The following ZNF234 variants were observed in gnomAD, a reference collection of about 807,000 sequenced individuals.
The protein encoded by ZNF234 is C2-H2 type zinc finger protein.
In ZNF234, 4 loss-of-function variants were observed where a neutral mutation model predicts 10.3. The ratio of observed to expected loss-of-function variants is 0.39; its 90% CI spans 0.19 to 0.89. The LOEUF (loss-of-function observed/expected upper bound fraction) is 0.89, where lower values mean the gene tolerates loss of function less well. Among genes scored for constraint, ZNF234 ranks in the 40% least tolerant of loss-of-function variants. The pLI is 0.38. For missense variants in ZNF234, 711 were observed against 836.1 expected, an observed-to-expected ratio of 0.85 and a Z score of 1.85; for synonymous variants, 258 against 280.1, an observed-to-expected ratio of 0.92 and a Z score of 0.79.
At position 44,157,327 on chromosome 19, in the gene ZNF234, C is replaced by T. The variant is rs1441523297; in HGVS notation, c.1311C>T (p.Phe437=). Reference sequence around the variant, plus strand: ...AATGTGAAGTATGTGGTAAAGCCTTCCGTCAGAGTTCATATCTTAAAATCC... The same window carrying T: ...AATGTGAAGTATGTGGTAAAGCCTTTCGTCAGAGTTCATATCTTAAAATCC... ...PYKCEVCGKA[F]RQSSYLKIHL... Residue 437 remains phenylalanine (F), a synonymous_variant, in exon 6 of 6, where the codon TTC becomes TTT. Coordinates refer to ENST00000426739, the MANE Select transcript of ZNF234 (RefSeq NM_006630.3). The T allele has an allele frequency of 3.7e-6, 6 of 1,613,932 alleles. No individual in the cohort carries two copies. The highest frequency in any genetic ancestry group is 5.1e-6 in the Non-Finnish European group (6 of 1,179,880).
intron 3 of ZNF234, 83 bp downstream of exon 3, chr19:44,144,730 C>A: frequency 7.6e-7 from 1 of 1,324,328 alleles, no homozygotes; most frequent in Non-Finnish European, 1.0e-6. Context: ...GAACAACGGG[C>A]ATTTGAGAAC....
Position 44,150,521 on chromosome 19 carries a change from C to G in ZNF234, c.235+16C>G, listed in dbSNP as rs769656399. 4 of 1,553,624 alleles carry G rather than the reference C, an allele frequency of 2.6e-6. No homozygotes were observed. The African/African-American group carries it at 5.5e-5, about 21-fold the overall frequency. On this transcript the variant is annotated intron_variant, in intron 5 of 5. Coordinates refer to ENST00000426739, the MANE Select transcript of ZNF234 (RefSeq NM_006630.3). Reference sequence around the variant, plus strand: ...GGGAAATCAGGTAAGAACCAAGCAGCTAAGAGTCCTTGTACGTGATTGTCC... The same window carrying G: ...GGGAAATCAGGTAAGAACCAAGCAGGTAAGAGTCCTTGTACGTGATTGTCC...
At chr19:44,152,757 T>C (rs929758382) in intron 5 of ZNF234, among the ~76,000 whole-genome samples, 4 of 152,162 alleles carry the variant, frequency 2.6e-5, no homozygotes, top group African/African-American at 9.7e-5. Context: ...ACTGCTTTCC[T>C]TTCAGCACAC....
intron 5 of ZNF234, among the ~76,000 whole-genome samples, chr19:44,153,100 C>T (rs1360899585): frequency 6.8e-6 from 1 of 147,726 alleles, no homozygotes. Context: ...ATCATAGAGA[C>T]TTGTCCTCCT....
rs1235320863 is a variant in ZNF234, at chr19:44,143,545, CTTGCAGTGAGCCGAGATTGCGCCA to C, written c.-76-1006_-76-983del. 2.0e-5 allele frequency among the ~76,000 whole-genome samples: 3 copies of C among 150,878 alleles called. No individual in the cohort carries two copies. The East Asian group carries it at 5.9e-4, about 30-fold the overall frequency. On this transcript the variant is annotated intron_variant, in intron 2 of 5. Coordinates refer to ENST00000426739, the MANE Select transcript of ZNF234 (RefSeq NM_006630.3). ...AATGGTGTTAACCCGGGAGGCGGAGCTTGCAGTGAGCCGAGATTGCGCCATTGCACCCCAGCCTGGGCAACAGCG... is the reference window on the plus strand; with the variant it reads ...AATGGTGTTAACCCGGGAGGCGGAGCTTGCACCCCAGCCTGGGCAACAGCG...
rs765038352 is a variant in ZNF234, at chr19:44,157,630, A to G, written c.1614A>G (p.Lys538=). The G allele has an allele frequency of 1.2e-6, 2 of 1,613,602 alleles. No homozygotes were observed. Among genetic ancestry groups the G allele is most frequent in the Non-Finnish European group, 1.7e-6 (2 of 1,179,894 alleles). Reference sequence around the variant, plus strand: ...ATCAGAGAGTTCACAGTGGGGAAAAACCATTTAAATGTGAAGAGTGTGGGA... The same window carrying G: ...ATCAGAGAGTTCACAGTGGGGAAAAGCCATTTAAATGTGAAGAGTGTGGGA... ...LTHQRVHSGE[K]PFKCEECGKS... is the part of the protein sequence containing the mutation. Residue 538 remains lysine, a synonymous_variant, in exon 6 of 6, where the codon AAA becomes AAG. Coordinates refer to ENST00000426739, the MANE Select transcript of ZNF234 (RefSeq NM_006630.3).
At chr19:44,143,477 C>T (rs1968516772) in intron 2 of ZNF234, among the ~76,000 whole-genome samples, 1 of 151,968 alleles carries the variant, frequency 6.6e-6, no homozygotes, top group Non-Finnish European at 1.5e-5. Context: ...GGCGTGTTGG[C>T]GGGCACCTGT....
At chr19:44,146,137 G>A (rs1364065710) in intron 3 of ZNF234, among the ~76,000 whole-genome samples, 1 of 152,202 alleles carries the variant, frequency 6.6e-6, no homozygotes, top group African/African-American at 2.4e-5. Context: ...TGGTGTGGGT[G>A]TCTGGAGTGC....
chr19:44,150,638 G>A, intron 5 of ZNF234, 133 bp downstream of exon 5: 1 of 640,106 alleles, frequency 1.6e-6, no homozygotes, highest in Non-Finnish European at 2.7e-6. Flanking sequence ...TTCGTACTGG[G>A]CGCACTGCAT....
rs1050437493 is a variant in ZNF234, at chr19:44,158,029, C to A, written c.2013C>A (p.His671Gln). The change falls in exon 6 of 6, where the codon CAC (histidine) becomes CAA (glutamine). Residue 671 changes from histidine to glutamine, a missense_variant. His to Gln is a conservative substitution (Grantham distance 24). Coordinates refer to ENST00000426739, the MANE Select transcript of ZNF234 (RefSeq NM_006630.3). ...GGCGATCAAATCTTGTAAGTCATCA[C>A]AAAATTCATGCTGCTGGTACATTTT... ...FSWRSNLVSH[H>Q]KIHAAGTFYE... 2.5e-5 allele frequency: 41 copies of A among 1,612,638 alleles called. No homozygotes were observed. The highest frequency in any genetic ancestry group is 3.1e-5 in the Non-Finnish European group (36 of 1,179,742).
At chr19:44,149,673 T>C (rs771357167) in intron 4 of ZNF234, 2 of 151,860 alleles carry the variant, frequency 1.3e-5, no homozygotes, top group Non-Finnish European at 2.9e-5. Flanking sequence ...AGGCAGGGGT[T>C]TGGGGTTTTT....
At position 44,144,646 on chromosome 19, in the gene ZNF234, A is replaced by G. The variant is rs756061700; in HGVS notation, c.14A>G (p.Lys5Arg). The stretch of plus-strand genomic sequence containing the variant: ...ACAGGAGGAAAAATGACCACATTCA[A>G]GGTGAATAAGGCTTGCCACTCTTGC... MTTF[K>R]EGLTFKDVAV... Residue 5 changes from lysine to arginine, a missense_variant and splice_region_variant, in exon 3 of 6, where the codon AAG becomes AGG. Physicochemically the swap from Lys to Arg is conservative, Grantham distance 26. Transcript: ENST00000426739. 1 of 1,560,716 alleles carries G rather than the reference A, an allele frequency of 6.4e-7. No homozygotes were observed. The highest frequency in any genetic ancestry group is 8.7e-7 in the Non-Finnish European group (1 of 1,148,060).
chr19:44,142,714 GT>G (rs1351514747), intron 2 of ZNF234, among the ~76,000 whole-genome samples: 1 of 152,166 alleles, frequency 6.6e-6, no homozygotes, highest in Admixed American at 6.5e-5. Context: ...TTGCCTTGGA[GT>G]TTTCTCAGTT....
rs768072768 is a variant in ZNF234 at position 44,157,103 on chromosome 19, C to T, written c.1087C>T (p.Arg363Trp). 80 of 1,613,912 alleles carry T rather than the reference C, an allele frequency of 5.0e-5. No individual in the cohort carries two copies. The highest frequency in any genetic ancestry group is 2.2e-4 in the East Asian group (10 of 44,876). ...TCAGCCTTCACAATTTCAGGCCCAT[C>T]GGAGAATCCACACTGGAGAGAAACC... Reference protein sequence around the residue: ...FIQPSQFQAHRRIHTGEKPYV... With the variant: ...FIQPSQFQAHWRIHTGEKPYV... The change falls in exon 6 of 6, where the codon CGG becomes TGG. Residue 363 changes from arginine (R) to tryptophan (W), a missense_variant. Coordinates refer to ENST00000426739, the MANE Select transcript of ZNF234 (RefSeq NM_006630.3).
chr19:44,152,342 G>A (rs191138623), intron 5 of ZNF234, among the ~76,000 whole-genome samples: 2 of 152,306 alleles, frequency 1.3e-5, no homozygotes, highest in Non-Finnish European at 1.5e-5. Context: ...ATAAATATCT[G>A]TTGGCATAAT....
At chr19:44,152,076 C>G (rs993760376) in intron 5 of ZNF234, among the ~76,000 whole-genome samples, 1 of 152,158 alleles carries the variant, frequency 6.6e-6, no homozygotes, top group African/African-American at 2.4e-5. Context: ...CTCGGCCCCT[C>G]TCTTACTTCA....
In ZNF234 at chr19:44,143,471, T is replaced by TAACAC. The variant is rs1434334676; in HGVS notation, c.-76-1086_-76-1085insAACAC. ...AAAAATACAAAAAATTAGCCGGGCGTGTTGGCGGGCACCTGTAGTCCCAGC... is the reference window on the plus strand; with the variant it reads ...AAAAATACAAAAAATTAGCCGGGCGTAACACGTTGGCGGGCACCTGTAGTCCCAGC... On this transcript the variant is annotated intron_variant, in intron 2 of 5. Coordinates refer to ENST00000426739, the MANE Select transcript of ZNF234 (RefSeq NM_006630.3). Among the ~76,000 whole-genome samples, 598 of 151,978 alleles carry TAACAC rather than the reference T, an allele frequency of 3.9e-3. 2 individuals carry two copies. Among genetic ancestry groups the TAACAC allele is most frequent in the Admixed American group, 0.012 (186 of 15,264 alleles).
intron 3 of ZNF234, among the ~76,000 whole-genome samples, chr19:44,148,268 T>C (rs1968651846): frequency 6.6e-6 from 1 of 152,216 alleles, no homozygotes; most frequent in Non-Finnish European, 1.5e-5. Flanking sequence ...CTGCAGGTAA[T>C]GCTGGTGCTG....
chr19:44,155,803 G>C (rs1264552132), intron 5 of ZNF234, among the ~76,000 whole-genome samples: 2 of 150,986 alleles, frequency 1.3e-5, no homozygotes, highest in Non-Finnish European at 2.9e-5. Flanking sequence ...TTCTTGCTTT[G>C]TTGCCCAGAC....
Sources: gnomAD v4.1 joint callset for allele counts (sites outside exome capture counted in the v4.1 genomes callset) on GRCh38, gnomAD v4.1.1 for gene constraint, MANE v1.5 for transcripts, NCBI Gene and HGNC (gene_info 2026-07-23, HGNC 2026-07-21) for gene names.